BCAR3: variants seen among roughly 807,000 people sequenced by gnomAD.
The protein encoded by BCAR3 is BCAR3 adaptor protein, NSP family member.
BCAR3 carries 37 observed loss-of-function variants against 80.1 expected under a neutral mutation model. That is an observed-to-expected ratio of 0.46 (90% confidence interval 0.36 to 0.61). BCAR3 has a LOEUF of 0.61. BCAR3 is among the 20% of genes least tolerant of loss of function. BCAR3 has a pLI of 0.00. For synonymous variants in BCAR3, 389 were observed against 418.9 expected, an observed-to-expected ratio of 0.93 and a Z score of 0.87; for missense variants, 978 against 1,068.2, an observed-to-expected ratio of 0.92 and a Z score of 1.18.
intron 2 of BCAR3, among the ~76,000 whole-genome samples, chr1:93,797,770 G>A (rs1306167172): frequency 6.6e-6 from 1 of 152,188 alleles, no homozygotes; most frequent in Non-Finnish European, 1.5e-5. Context: ...TCTGTTCAGT[G>A]AAATGAGTTC....
At chr1:93,669,902 T>A (rs1159631901) in intron 2 of BCAR3, among the ~76,000 whole-genome samples, 4 of 152,098 alleles carry the variant, frequency 2.6e-5, no homozygotes, top group Admixed American at 2.6e-4. Context: ...TGCAAAGGCA[T>A]AAGAATGATA....
At chr1:93,739,992 T>C (rs1468960013) in intron 2 of BCAR3, among the ~76,000 whole-genome samples, 5 of 149,230 alleles carry the variant, frequency 3.4e-5, no homozygotes, top group Non-Finnish European at 7.4e-5. Flanking sequence ...GCCGAGATCA[T>C]GCCACTGCAC....
intron 2 of BCAR3, among the ~76,000 whole-genome samples, chr1:93,715,480 C>T (rs1228195471): frequency 6.6e-6 from 1 of 152,142 alleles, no homozygotes; most frequent in African/African-American, 2.4e-5. Context: ...CAAGATCTCT[C>T]AGCTGATTGA....
intron 11 of BCAR3, among the ~76,000 whole-genome samples, chr1:93,563,823 G>T (rs980880501): frequency 1.3e-5 from 2 of 152,124 alleles, no homozygotes; most frequent in African/African-American, 4.8e-5. Flanking sequence ...CTCCCAAGTA[G>T]CTGGGACTAC....
intron 2 of BCAR3, among the ~76,000 whole-genome samples, chr1:93,711,626 A>C (rs1650024556): frequency 6.6e-6 from 1 of 152,196 alleles, no homozygotes; most frequent in Admixed American, 6.5e-5. Context: ...ATATAGGAAA[A>C]GGGGAAAGTG....
intron 2 of BCAR3, among the ~76,000 whole-genome samples, chr1:93,839,023 C>T (rs760130367): frequency 6.6e-6 from 1 of 152,212 alleles, no homozygotes; most frequent in African/African-American, 2.4e-5. Flanking sequence ...CTAAAAAGTG[C>T]CAGGCGTGGT....
chr1:93,604,775 C>T (rs923116147), intron 3 of BCAR3, among the ~76,000 whole-genome samples: 5 of 152,182 alleles, frequency 3.3e-5, no homozygotes, highest in African/African-American at 4.8e-5. Flanking sequence ...CTGAAAACTT[C>T]GGGTAGAATT....
intron 9 of BCAR3, among the ~76,000 whole-genome samples, chr1:93,570,011 T>C (rs1242577367): frequency 1.3e-5 from 2 of 152,242 alleles, no homozygotes; most frequent in South Asian, 2.1e-4. Flanking sequence ...TAACCCGTTA[T>C]AGTAGAAATC....
At chr1:93,765,090 G>A (rs1370039944) in intron 2 of BCAR3, among the ~76,000 whole-genome samples, 1 of 152,190 alleles carries the variant, frequency 6.6e-6, no homozygotes, top group Non-Finnish European at 1.5e-5. Context: ...AGGGGAGGTG[G>A]CTAAAGGTGG....
At chr1:93,598,955 G>A (rs151301285) in intron 3 of BCAR3, 1 of 152,280 alleles carries the variant, frequency 6.6e-6, no homozygotes, top group Non-Finnish European at 1.5e-5. Context: ...TTCTGGCTAG[G>A]AGGAGAGGGC....
chr1:93,806,115 G>C (rs1653645251), intron 2 of BCAR3, among the ~76,000 whole-genome samples: 1 of 152,116 alleles, frequency 6.6e-6, no homozygotes. Flanking sequence ...ATTTCAAAAA[G>C]AGAAAAATGT....
intron 2 of BCAR3, among the ~76,000 whole-genome samples, chr1:93,730,966 C>A (rs1286511156): frequency 6.6e-6 from 1 of 152,196 alleles, no homozygotes; most frequent in East Asian, 1.9e-4. Flanking sequence ...CAGCATGTGC[C>A]CTTGGTACAT....
chr1:93,590,643 T>G (rs1674133834), intron 4 of BCAR3, among the ~76,000 whole-genome samples: 1 of 152,240 alleles, frequency 6.6e-6, no homozygotes. Flanking sequence ...ACAGTATACT[T>G]CTGTTAGGTC....
intron 2 of BCAR3, among the ~76,000 whole-genome samples, chr1:93,743,318 C>T (rs1651244682): frequency 6.6e-6 from 1 of 152,126 alleles, no homozygotes; most frequent in Non-Finnish European, 1.5e-5. Flanking sequence ...GTTTTATCAT[C>T]ATGCAAGAGA....
chr1:93,665,562 A>G (rs1415013406), intron 2 of BCAR3, among the ~76,000 whole-genome samples: 6 of 152,072 alleles, frequency 3.9e-5, no homozygotes, highest in Admixed American at 2.6e-4. Flanking sequence ...TACTCTTTAC[A>G]TAGAGCTCTA....
At chr1:93,655,175 C>G (rs1647313140) in intron 2 of BCAR3, among the ~76,000 whole-genome samples, 1 of 152,170 alleles carries the variant, frequency 6.6e-6, no homozygotes, top group African/African-American at 2.4e-5. Flanking sequence ...GGATGCCACA[C>G]AAACATGCTT....
intron 2 of BCAR3, among the ~76,000 whole-genome samples, chr1:93,713,703 A>G (rs906699603): frequency 6.6e-6 from 1 of 151,592 alleles, no homozygotes; most frequent in Admixed American, 6.5e-5. Flanking sequence ...TGGTTCCAAA[A>G]ACTGAAATGC....
intron 2 of BCAR3, among the ~76,000 whole-genome samples, chr1:93,780,578 A>G (rs1429528361): frequency 6.6e-6 from 1 of 151,946 alleles, no homozygotes; most frequent in Non-Finnish European, 1.5e-5. Context: ...AGGAAAAAAA[A>G]AAAAAACAAG....
chr1:93,777,393 T>TTCCTGC (rs879682354), intron 2 of BCAR3, among the ~76,000 whole-genome samples: 1 of 135,828 alleles, frequency 7.4e-6, no homozygotes, highest in Non-Finnish European at 1.5e-5. Flanking sequence ...CTTCTTCCTC[T>TTCCTGC]TCTTCCTCTT....
Sources: allele counts gnomAD v4.1 joint callset (sites outside exome capture counted in the v4.1 genomes callset), GRCh38; gene constraint gnomAD v4.1.1; transcripts MANE v1.5; gene names NCBI Gene and HGNC (gene_info 2026-07-23, HGNC 2026-07-21).